Variants in ACOT11 observed in about 807,000 individuals in gnomAD.
ACOT11 encodes acyl-CoA thioesterase 11.
Under a neutral mutation model 77.5 loss-of-function variants are expected in ACOT11, and 69 were observed. That is an observed-to-expected ratio of 0.89 (90% CI 0.73 to 1.09). The LOEUF (loss-of-function observed/expected upper bound fraction) is 1.09. ACOT11 is among the 50% of genes least tolerant of loss of function. The pLI, the probability that ACOT11 is intolerant of heterozygous loss-of-function variation, is 0.00. For missense variants in ACOT11, 766 were observed against 813.7 expected, an observed-to-expected ratio of 0.94 and a Z score of 0.71; for synonymous variants, 279 against 313.0, an observed-to-expected ratio of 0.89 and a Z score of 1.15.
At chr1:54,574,705 G>T (rs1332075664) in intron 1 of ACOT11, among the ~76,000 whole-genome samples, 1 of 152,172 alleles carries the variant, frequency 6.6e-6, no homozygotes, top group Non-Finnish European at 1.5e-5. Context: ...TGAGGGTGGG[G>T]CCGGGATTCA....
intron 3 of ACOT11, among the ~76,000 whole-genome samples, chr1:54,590,813 G>C (rs1261676139): frequency 3.3e-5 from 5 of 152,186 alleles, no homozygotes; most frequent in African/African-American, 4.8e-5. Context: ...GGGATGCAGT[G>C]GTGCGATCTT....
At chr1:54,579,408 A>C (rs1433579840) in intron 1 of ACOT11, among the ~76,000 whole-genome samples, 1 of 152,110 alleles carries the variant, frequency 6.6e-6, no homozygotes, top group Non-Finnish European at 1.5e-5. Flanking sequence ...AGGCTGCCTC[A>C]GAGCCTTTTT....
chr1:54,609,243 C>T lies in ACOT11; in HGVS notation c.*131C>T. The T allele has an allele frequency of 6.3e-7, 1 of 1,593,474 alleles. No homozygotes were observed. The highest frequency in any genetic ancestry group is 8.6e-7 in the Non-Finnish European group (1 of 1,168,034). On this transcript the variant is annotated 3_prime_UTR_variant, in exon 16 of 16. Coordinates refer to ENST00000343744, the MANE Select transcript of ACOT11 (RefSeq NM_147161.4). ...CCGTGGGAAGCCTCCGCCCTGAGGT[C>T]CGCTGGCCCACCACCCCTGGGTGCT...
downstream of ACOT11, chr1:54,614,963 T>TGCACAC: frequency 8.8e-7 from 1 of 1,134,114 alleles, no homozygotes; most frequent in Non-Finnish European, 1.3e-6. Flanking sequence ...TGCATGTGCG[T>TGCACAC]GCACAGTGGA....
chr1:54,555,707 G>A (rs573685718), intron 1 of ACOT11, among the ~76,000 whole-genome samples: 2 of 151,758 alleles, frequency 1.3e-5, no homozygotes, highest in South Asian at 2.1e-4. Flanking sequence ...TGTAGTTTGG[G>A]GGTCGTACAT....
chr1:54,565,989 TC>T (rs1653717975), intron 1 of ACOT11, among the ~76,000 whole-genome samples: 1 of 152,108 alleles, frequency 6.6e-6, no homozygotes, highest in South Asian at 2.1e-4. Flanking sequence ...CTTCCTACCT[TC>T]CTGTCAAAAA....
At chr1:54,573,373 A>G in intron 1 of ACOT11, 4 of 313,868 alleles carry the variant, frequency 1.3e-5, no homozygotes, top group Non-Finnish European at 1.9e-5. Context: ...CCATCTGTAA[A>G]ATGGGAATAA....
chr1:54,554,974 T>G (rs1419563827), intron 1 of ACOT11, among the ~76,000 whole-genome samples: 4 of 150,312 alleles, frequency 2.7e-5, no homozygotes, highest in Non-Finnish European at 5.9e-5. Context: ...GTTTGTTTGT[T>G]TTGAGACGGA....
At chr1:54,635,032 C>G (rs561088221) in exon 17 of ACOT11, 1 of 392,610 alleles carries the variant, frequency 2.5e-6, no homozygotes, top group African/African-American at 2.1e-5. Flanking sequence ...TGCAATCATT[C>G]TATGACACAG....
At chr1:54,612,720 AATCAGAG>A, downstream of ACOT11, 1 of 1,609,796 alleles carries the variant, frequency 6.2e-7, no homozygotes. Context: ...CCTGCAAAAA[AATCAGAG>A]ATGTTGGTCT....
intron 4 of ACOT11, among the ~76,000 whole-genome samples, chr1:54,593,103 C>T (rs939174911): frequency 2.0e-5 from 3 of 152,124 alleles, no homozygotes; most frequent in African/African-American, 7.2e-5. Context: ...GTTCTGTGAG[C>T]TGTGGGGGAG....
chr1:54,599,153 A>T (rs1352985808), intron 7 of ACOT11, 143 bp from the exon 8 acceptor site: 1 of 16,962 alleles, frequency 5.9e-5, no homozygotes, highest in Non-Finnish European at 1.0e-4. Context: ...TCTCAAAAAA[A>T]AAAAAAAAAA....
rs181859533 is a variant in ACOT11 at position 54,622,510 on chromosome 1, G to A, written c.1630-8224G>A. On this transcript the variant is annotated intron_variant, in intron 15 of 16. Transcript: ENST00000371316. ...GGAGAATATCTTGAACCTGGGAGGC[G>A]GAGGTTGCAGTGAGCCAAGATCACA... 8.5e-5 allele frequency among the ~76,000 whole-genome samples: 13 copies of A among 152,064 alleles called. No homozygotes were observed. The East Asian group carries it at 1.9e-3, about 23-fold the overall frequency.
intron 15 of ACOT11, among the ~76,000 whole-genome samples, chr1:54,625,240 A>G (rs1451532179): frequency 1.1e-5 from 1 of 92,822 alleles, no homozygotes; most frequent in Non-Finnish European, 2.7e-5. Context: ...CTTCTGGCTC[A>G]TTCTCCAAAT....
chr1:54,611,751 G>A (rs1553165433), downstream of ACOT11: 1 of 1,613,968 alleles, frequency 6.2e-7, no homozygotes, highest in Non-Finnish European at 8.5e-7. Context: ...TGTACCTGGG[G>A]ACACGAGAGC....
chr1:54,600,899 TC>T (rs1438191424), intron 8 of ACOT11, among the ~76,000 whole-genome samples: 2 of 152,182 alleles, frequency 1.3e-5, no homozygotes, highest in African/African-American at 4.8e-5. Flanking sequence ...GGTTGCCTCC[TC>T]CCCTGACTGT....
At position 54,578,099 on chromosome 1, in the gene ACOT11, ATGAG is replaced by A. The variant is rs143987255; in HGVS notation, c.34-6551_34-6548del. Among the ~76,000 whole-genome samples the A allele has an allele frequency of 7.0e-3, 1,059 of 152,290 alleles. 8 individuals carry two copies. The highest frequency in any genetic ancestry group is 0.022 in the African/African-American group (916 of 41,542). On this transcript the variant is annotated intron_variant, in intron 1 of 15. Coordinates refer to ENST00000343744, the MANE Select transcript of ACOT11 (RefSeq NM_147161.4). ...GTCCTGTGTCAATAGTGCCAGTTCTATGAGTGAGGCTGTCACATATGCAGACTCC... is the reference window on the plus strand; with the variant it reads ...GTCCTGTGTCAATAGTGCCAGTTCTATGAGGCTGTCACATATGCAGACTCC...
chr1:54,554,442 C>G (rs1653192746), intron 1 of ACOT11, among the ~76,000 whole-genome samples: 1 of 149,728 alleles, frequency 6.7e-6, no homozygotes, highest in African/African-American at 2.5e-5. Flanking sequence ...GCCTCGAGCT[C>G]CTGGGCTCAA....
At chr1:54,551,187 C>T (rs1557642658) in intron 1 of ACOT11, among the ~76,000 whole-genome samples, 3 of 150,692 alleles carry the variant, frequency 2.0e-5, no homozygotes, top group Middle Eastern at 3.4e-3. Context: ...AAAAACTCAC[C>T]AAATTGTCTT....
Sources: gnomAD v4.1 joint callset for allele counts (sites outside exome capture counted in the v4.1 genomes callset) on GRCh38, gnomAD v4.1.1 for gene constraint, MANE v1.5 for transcripts, NCBI Gene and HGNC (gene_info 2026-07-23, HGNC 2026-07-21) for gene names.